The following ENTREP2 variants were observed in gnomAD, a reference collection of about 807,000 sequenced individuals.
The protein encoded by ENTREP2 is protein ENTREP2.
chr15:29,275,322 T>C, the ENTREP2 span, among the ~76,000 whole-genome samples: 1 of 152,238 alleles, frequency 6.6e-6, no homozygotes, highest in South Asian at 2.1e-4. Flanking sequence ...CTGATTTTCT[T>C]GCTTGGGAGA....
the ENTREP2 span, among the ~76,000 whole-genome samples, chr15:29,429,249 TG>T: frequency 2.0e-5 from 3 of 151,956 alleles, no homozygotes; most frequent in Non-Finnish European, 4.4e-5. Context: ...TGAGATGGGG[TG>T]TTGCTCTGTG....
chr15:29,577,349 T>TGTGTGTGTGTGTGTGTGA, the ENTREP2 span, among the ~76,000 whole-genome samples: 104 of 144,448 alleles, frequency 7.2e-4, no homozygotes, highest in African/African-American at 2.4e-3. Context: ...TGTGTGTGTG[T>TGTGTGTGTGTGTGTGTGA]GAGAGAGAGA....
chr15:29,344,420 T>G, the ENTREP2 span, among the ~76,000 whole-genome samples: 2 of 152,196 alleles, frequency 1.3e-5, no homozygotes, highest in African/African-American at 4.8e-5. Flanking sequence ...ACTTCCTCCC[T>G]GCTAGATTGA....
the ENTREP2 span, among the ~76,000 whole-genome samples, chr15:29,538,758 G>A: frequency 6.6e-6 from 1 of 151,262 alleles, no homozygotes; most frequent in Non-Finnish European, 1.5e-5. Flanking sequence ...GCAGTGAGCC[G>A]AGATCATGCC....
the ENTREP2 span, among the ~76,000 whole-genome samples, chr15:29,514,985 A>G: frequency 6.6e-6 from 1 of 152,234 alleles, no homozygotes; most frequent in African/African-American, 2.4e-5. Context: ...CTTACTGCCT[A>G]GGAAAGAACG....
the ENTREP2 span, among the ~76,000 whole-genome samples, chr15:29,179,539 C>T: frequency 3.3e-4 from 49 of 150,350 alleles, no homozygotes; most frequent in African/African-American, 1.1e-3. Flanking sequence ...TCGGAGTCTG[C>T]GTGGTGTTCC....
At chr15:29,390,645 C>T in the ENTREP2 span, among the ~76,000 whole-genome samples, 3 of 152,174 alleles carry the variant, frequency 2.0e-5, no homozygotes, top group Admixed American at 1.3e-4. Flanking sequence ...TAATGGCATC[C>T]TTAGAGTCAA....
chr15:29,362,367 CTTTTTTTTTTT>C, the ENTREP2 span, among the ~76,000 whole-genome samples: 4 of 91,496 alleles, frequency 4.4e-5, no homozygotes, highest in Non-Finnish European at 6.0e-5. Context: ...TGTTTTTAAT[CTTTTTTTTTTT>C]TTTTTTTTTT....
At chr15:29,218,772 A>G in the ENTREP2 span, among the ~76,000 whole-genome samples, 2 of 152,192 alleles carry the variant, frequency 1.3e-5, no homozygotes, top group Non-Finnish European at 1.5e-5. Flanking sequence ...CATGTAGGAG[A>G]ATGAAACTGG....
chr15:29,127,523 T>C, the ENTREP2 span, among the ~76,000 whole-genome samples: 1 of 152,128 alleles, frequency 6.6e-6, no homozygotes, highest in Non-Finnish European at 1.5e-5. Context: ...CAGCCCCAGG[T>C]TACCCCCACC....
At chr15:29,358,743 GA>G in the ENTREP2 span, among the ~76,000 whole-genome samples, 3 of 149,396 alleles carry the variant, frequency 2.0e-5, no homozygotes, top group East Asian at 3.9e-4. Context: ...GTATTTATCA[GA>G]AAAAAAAACC....
At chr15:29,656,519 G>A in the ENTREP2 span, among the ~76,000 whole-genome samples, 7 of 152,326 alleles carry the variant, frequency 4.6e-5, no homozygotes, top group Non-Finnish European at 8.8e-5. Flanking sequence ...GGGCCACTGT[G>A]CCTGGCCAGT....
the ENTREP2 span, among the ~76,000 whole-genome samples, chr15:29,159,371 G>A: frequency 2.0e-5 from 3 of 152,320 alleles, no homozygotes; most frequent in Non-Finnish European, 2.9e-5. Flanking sequence ...GGTGGACCGA[G>A]AGAGTGAGCA....
chr15:29,140,211 C>A, the ENTREP2 span, among the ~76,000 whole-genome samples: 1 of 152,184 alleles, frequency 6.6e-6, no homozygotes, highest in Non-Finnish European at 1.5e-5. Flanking sequence ...AGGGCAATTT[C>A]TTTTCCTGAC....
the ENTREP2 span, among the ~76,000 whole-genome samples, chr15:29,302,424 G>A: frequency 6.6e-6 from 1 of 152,154 alleles, no homozygotes. Context: ...AAAGGAAGAT[G>A]CAGCTCACTC....
At chr15:29,150,770 C>T in the ENTREP2 span, among the ~76,000 whole-genome samples, 31 of 152,142 alleles carry the variant, frequency 2.0e-4, no homozygotes, top group African/African-American at 7.5e-4. Flanking sequence ...TGTTGACTGC[C>T]ACAGGGTGAA....
chr15:29,342,176 C>A, the ENTREP2 span, among the ~76,000 whole-genome samples: 303 of 152,226 alleles, frequency 2.0e-3, 2 homozygotes, highest in African/African-American at 6.9e-3. Context: ...AAAGAGGTGG[C>A]CATACAGATG....
At chr15:29,672,443 TAAAG>T in the ENTREP2 span, among the ~76,000 whole-genome samples, 1 of 151,992 alleles carries the variant, frequency 6.6e-6, no homozygotes, top group African/African-American at 2.4e-5. Context: ...AGGTGAAAAA[TAAAG>T]AAAAACACTG....
the ENTREP2 span, among the ~76,000 whole-genome samples, chr15:29,515,359 G>A: frequency 9.5e-4 from 144 of 152,256 alleles, no homozygotes; most frequent in African/African-American, 3.0e-3. Context: ...GTCCCAATTC[G>A]AGAAGAGAGA....
Sources: allele counts gnomAD v4.1 joint callset (sites outside exome capture counted in the v4.1 genomes callset), GRCh38; gene constraint gnomAD v4.1.1; transcripts MANE v1.5; gene names NCBI Gene and HGNC (gene_info 2026-07-23, HGNC 2026-07-21).